The following TSPAN9 variants were observed in gnomAD, a reference collection of about 807,000 sequenced individuals.
TSPAN9 encodes the protein tetraspanin-9.
A neutral mutation model predicts 31.0 loss-of-function variants in TSPAN9; 16 were observed. That is an observed-to-expected ratio of 0.52 (90% CI 0.35 to 0.78). The LOEUF (loss-of-function observed/expected upper bound fraction) is 0.78. Ranked by LOEUF, TSPAN9 falls within the 30% of genes least tolerant of loss-of-function variation. TSPAN9 has a pLI of 0.01. For synonymous variants in TSPAN9, 145 were observed against 121.6 expected (o/e 1.19, Z -1.27); for missense variants, 272 against 312.5 (o/e 0.87, Z 0.98).
chr12:3,281,832 C>G lies in TSPAN9; in HGVS notation c.648+15C>G, dbSNP rs1862901469. On this transcript the variant is annotated intron_variant, in intron 8 of 8. Transcript: ENST00000011898. ...TCATCATGCAGGTAAGAGGGGCGTC[C>G]CCAGCAGCCTCACCCACCCTGCTGG... is the stretch of plus-strand genomic sequence containing the variant. 1.2e-6 allele frequency: 2 copies of G among 1,613,466 alleles called. No individual in the cohort carries two copies. Among genetic ancestry groups the G allele is most frequent in the Non-Finnish European group, 1.7e-6 (2 of 1,179,762 alleles).
chr12:3,276,607 C>T (rs547852851), intron 3 of TSPAN9, among the ~76,000 whole-genome samples: 1 of 152,370 alleles, frequency 6.6e-6, no homozygotes, highest in African/African-American at 2.4e-5. Flanking sequence ...AAGACACCTT[C>T]GCTGCCCACA....
Position 3,143,348 on chromosome 12 carries a change from C to G in TSPAN9, c.-17-57829C>G, listed in dbSNP as rs2098335765. Among the ~76,000 whole-genome samples, 1 of 149,236 alleles carries G rather than the reference C, an allele frequency of 6.7e-6. No homozygotes were observed. Among genetic ancestry groups the G allele is most frequent in the Non-Finnish European group, 1.5e-5 (1 of 67,752 alleles). Reference sequence around the variant, plus strand: ...TTGAGGGCAGGCACTTTGAAACTGTCCTGGTTTTTTCTCAAACCTTTGCTC... The same window carrying G: ...TTGAGGGCAGGCACTTTGAAACTGTGCTGGTTTTTTCTCAAACCTTTGCTC... On this transcript the variant is annotated intron_variant, in intron 2 of 8. Transcript: ENST00000011898. The surrounding 1 kb of genome is among the most constrained non-coding windows in gnomAD (Gnocchi z 4.2).
chr12:3,167,964 GGTCA>G (rs2098349451), intron 2 of TSPAN9, among the ~76,000 whole-genome samples: 1 of 152,168 alleles, frequency 6.6e-6, no homozygotes, highest in Non-Finnish European at 1.5e-5. Flanking sequence ...TATTCTGCAG[GGTCA>G]GGTCATGGGC....
At chr12:3,116,550 T>C (rs1252690080) in intron 2 of TSPAN9, among the ~76,000 whole-genome samples, 1 of 151,904 alleles carries the variant, frequency 6.6e-6, no homozygotes, top group Non-Finnish European at 1.5e-5. Flanking sequence ...GGGCTTGTGA[T>C]TGTTGTAAGG....
intron 3 of TSPAN9, among the ~76,000 whole-genome samples, chr12:3,224,840 A>G (rs1252948498): frequency 6.6e-6 from 1 of 152,176 alleles, no homozygotes; most frequent in East Asian, 1.9e-4. Flanking sequence ...TGGTAAAAGC[A>G]GATTTGTGTG....
rs554003827 is a variant in TSPAN9 at position 3,089,508 on chromosome 12, G to A, written c.-18+5789G>A. 4.5e-4 allele frequency among the ~76,000 whole-genome samples: 68 copies of A among 151,816 alleles called. No homozygotes were observed. The East Asian group carries it at 5.4e-3, about 12-fold the overall frequency. On this transcript the variant is annotated intron_variant, in intron 2 of 8. Transcript: ENST00000011898. Reference sequence around the variant, plus strand: ...GACGGGGTTTTACCGTGTTGGCCAGGGTGGTCTCGATCTCCTGACCTCGTG... The same window carrying A: ...GACGGGGTTTTACCGTGTTGGCCAGAGTGGTCTCGATCTCCTGACCTCGTG...
intron 2 of TSPAN9, chr12:3,150,961 A>G (rs761095797): frequency 1.3e-5 from 2 of 152,122 alleles, no homozygotes; most frequent in East Asian, 1.9e-4. Context: ...TTTTTTCCCA[A>G]TGAAGTTCTT....
rs1449928313 is a variant in TSPAN9 at position 3,247,297 on chromosome 12, CA to C, written c.64-31123del. Among the ~76,000 whole-genome samples, 73 of 17,662 alleles carry C rather than the reference CA, an allele frequency of 4.1e-3. 11 individuals carry two copies. The South Asian group carries it at 0.066, about 16-fold the overall frequency. The allele number at this position is 17,662 out of a possible 152,430, so 11.6% of individuals were successfully genotyped here. ...CTTGTGGCTGATGAGCATTACTGGC[CA>C]GCCCCCCCCCCCCCGCCACCCGCGT... On this transcript the variant is annotated intron_variant, in intron 3 of 8. Transcript: ENST00000011898.
At chr12:3,220,145 C>A (rs1383054992) in intron 3 of TSPAN9, among the ~76,000 whole-genome samples, 1 of 137,344 alleles carries the variant, frequency 7.3e-6, no homozygotes, top group African/African-American at 2.9e-5. Context: ...AACTCTGTCT[C>A]AAAAAAAAAA....
chr12:3,274,336 C>T (rs1164834460), intron 3 of TSPAN9, among the ~76,000 whole-genome samples: 1 of 152,146 alleles, frequency 6.6e-6, no homozygotes, highest in Non-Finnish European at 1.5e-5. Context: ...TCGTCCAAAT[C>T]CCAAGTTTTA....
At chr12:3,085,101 G>A (rs2098299773) in intron 2 of TSPAN9, among the ~76,000 whole-genome samples, 1 of 152,076 alleles carries the variant, frequency 6.6e-6, no homozygotes, top group Non-Finnish European at 1.5e-5. Context: ...GGCAGTAACC[G>A]TCCAGGTGCA....
intron 2 of TSPAN9, among the ~76,000 whole-genome samples, chr12:3,157,373 T>G (rs1362716067): frequency 1.3e-5 from 2 of 152,156 alleles, no homozygotes; most frequent in African/African-American, 4.8e-5. Context: ...AGTGCTAGGA[T>G]TACAGGCGTG....
intron 3 of TSPAN9, among the ~76,000 whole-genome samples, chr12:3,213,978 G>A (rs550753041): frequency 4.6e-5 from 7 of 152,288 alleles, no homozygotes; most frequent in African/African-American, 7.2e-5. Flanking sequence ...GTTAACTCTC[G>A]CTTGTATCTG....
intron 3 of TSPAN9, among the ~76,000 whole-genome samples, chr12:3,229,519 G>T (rs941961272): frequency 9.9e-5 from 15 of 152,182 alleles, no homozygotes; most frequent in African/African-American, 3.6e-4. Flanking sequence ...CTTTCCCCTT[G>T]CCTCTGGCCT....
chr12:3,202,135 A>G (rs2098372271), intron 3 of TSPAN9, among the ~76,000 whole-genome samples: 1 of 152,224 alleles, frequency 6.6e-6, no homozygotes, highest in African/African-American at 2.4e-5. Flanking sequence ...GCACGTGCAT[A>G]AGAAATACTG....
chr12:3,231,443 G>C (rs142869156), intron 3 of TSPAN9, among the ~76,000 whole-genome samples: 1,826 of 152,306 alleles, frequency 0.012, 34 homozygotes, highest in African/African-American at 0.042. Context: ...CCTGGCCCCA[G>C]CCCGAACAGT....
intron 2 of TSPAN9, among the ~76,000 whole-genome samples, chr12:3,110,401 G>C (rs903063482): frequency 8.5e-5 from 13 of 152,148 alleles, no homozygotes; most frequent in Admixed American, 6.5e-4. Context: ...CACCATGCTG[G>C]CCAAAAGTCT....
chr12:3,140,102 C>A (rs375186765), intron 2 of TSPAN9, among the ~76,000 whole-genome samples: 2 of 151,990 alleles, frequency 1.3e-5, no homozygotes, highest in African/African-American at 4.8e-5. Context: ...CCAGGACAGT[C>A]GGGTGCAAGT....
chr12:3,282,455 G>A (rs187975378), intron 8 of TSPAN9, among the ~76,000 whole-genome samples: 3 of 152,154 alleles, frequency 2.0e-5, no homozygotes, highest in South Asian at 2.1e-4. Context: ...GTGCGGTGGC[G>A]CCGTCATAGC....
Sources: allele counts gnomAD v4.1 joint callset (sites outside exome capture counted in the v4.1 genomes callset), GRCh38; gene constraint gnomAD v4.1.1; non-coding constraint Gnocchi (gnomAD v3.1); transcripts MANE v1.5; gene names NCBI Gene and HGNC (gene_info 2026-07-23, HGNC 2026-07-21).